ARSJ: variants seen among roughly 807,000 people sequenced by gnomAD.
ARSJ encodes arylsulfatase family member J.
Under a neutral mutation model 35.9 loss-of-function variants are expected in ARSJ, and 26 were observed. The ratio of observed to expected loss-of-function variants is 0.72; its 90% CI spans 0.53 to 1.00. ARSJ has a LOEUF of 1.00. Ranked by LOEUF, ARSJ falls within the 50% of genes least tolerant of loss-of-function variation. The pLI is 0.00. For synonymous variants in ARSJ, 294 were observed against 267.6 expected, an observed-to-expected ratio of 1.10 and a Z score of -0.96; for missense variants, 667 against 723.6, an observed-to-expected ratio of 0.92 and a Z score of 0.90.
chr4:113,971,610 A>T (rs1727254076), intron 1 of ARSJ, among the ~76,000 whole-genome samples: 1 of 152,198 alleles, frequency 6.6e-6, no homozygotes, highest in African/African-American at 2.4e-5. Context: ...TGTCAAAGCC[A>T]CCCTCTCCAC....
intron 1 of ARSJ, among the ~76,000 whole-genome samples, chr4:113,942,629 A>G (rs1160627644): frequency 3.3e-5 from 5 of 152,062 alleles, no homozygotes; most frequent in African/African-American, 4.8e-5. Flanking sequence ...AGAACTTGGA[A>G]TGTTCTTCAA....
chr4:113,933,367 C>G lies in ARSJ; in HGVS notation c.399-29692G>C, dbSNP rs1194975592. ...CTCATGCTACCAGGCCAGTGTTGCT[C>G]TGATACCAAAACCAGACAGAGACAC... is the stretch of plus-strand genomic sequence containing the variant. On this transcript the variant is annotated intron_variant, in intron 1 of 1. Transcript: ENST00000315366. Among the ~76,000 whole-genome samples the G allele has an allele frequency of 7.9e-5, 12 of 151,846 alleles. 1 individual carries two copies. The highest frequency in any genetic ancestry group is 7.9e-4 in the Admixed American group (12 of 15,192).
chr4:113,964,648 T>C lies in ARSJ; in HGVS notation c.398+13789A>G, dbSNP rs371007052. 5.9e-5 allele frequency among the ~76,000 whole-genome samples: 9 copies of C among 152,038 alleles called. No homozygotes were observed. The South Asian group carries it at 6.2e-4, about 11-fold the overall frequency. ...TATGCATATAGCAGGTGTTAAACAG[T>C]TGGGAGAAAAATAAAAGAGACAAAG... On this transcript the variant is annotated intron_variant, in intron 1 of 1. Coordinates refer to ENST00000315366, the MANE Select transcript of ARSJ (RefSeq NM_024590.4).
intron 1 of ARSJ, among the ~76,000 whole-genome samples, chr4:113,973,570 A>G (rs142433798): frequency 6.6e-6 from 1 of 152,300 alleles, no homozygotes; most frequent in Admixed American, 6.5e-5. Flanking sequence ...TTATGACCAC[A>G]AATCTCAAGT....
At chr4:113,951,085 G>T (rs1479339418) in intron 1 of ARSJ, among the ~76,000 whole-genome samples, 5 of 152,018 alleles carry the variant, frequency 3.3e-5, no homozygotes, top group Non-Finnish European at 5.9e-5. Flanking sequence ...GAAACCCAGG[G>T]CAGTACAGCT....
At position 113,979,036 on chromosome 4, in the gene ARSJ, C is replaced by T; in HGVS notation, c.-202G>A. ...TGGGACTCCGGAAGAACAAGGAGGGCTCGCTCTTCTCCAGCACATTTCACT... is the reference window on the plus strand; with the variant it reads ...TGGGACTCCGGAAGAACAAGGAGGGTTCGCTCTTCTCCAGCACATTTCACT... On this transcript the variant is annotated 5_prime_UTR_variant, in exon 1 of 2. Transcript: ENST00000315366. The T allele has an allele frequency of 1.9e-6, 1 of 521,322 alleles. No individual in the cohort carries two copies. The highest frequency in any genetic ancestry group is 3.0e-5 in the East Asian group (1 of 32,818). 32.3% of individuals were successfully genotyped at this position (521,322 alleles called of 1,614,324 possible). A position where few individuals can be genotyped will look rare whatever the true frequency, so the allele number is the denominator to read the frequency against.
At chr4:113,944,322 A>G (rs1478800764) in intron 1 of ARSJ, 1 of 149,984 alleles carries the variant, frequency 6.7e-6, no homozygotes, top group African/African-American at 2.4e-5. Flanking sequence ...CAATGATGGA[A>G]AAAAAAGAAA....
chr4:113,906,687 G>A (rs976351345), intron 1 of ARSJ: 3 of 455,156 alleles, frequency 6.6e-6, no homozygotes, highest in Non-Finnish European at 1.3e-5. Context: ...TTGCTCCACT[G>A]CTTATTACCT....
intron 1 of ARSJ, among the ~76,000 whole-genome samples, chr4:113,920,145 AAC>A (rs1163925154): frequency 6.6e-6 from 1 of 152,158 alleles, no homozygotes; most frequent in Admixed American, 6.6e-5. Context: ...AAAAATTAAA[AAC>A]ACTGTTTTGC....
At chr4:113,927,812 C>A (rs1040851931) in intron 1 of ARSJ, among the ~76,000 whole-genome samples, 1 of 152,116 alleles carries the variant, frequency 6.6e-6, no homozygotes, top group East Asian at 1.9e-4. Context: ...ACCACCCCTG[C>A]GTCTTTCAAG....
At chr4:113,934,386 G>A (rs1349039166) in intron 1 of ARSJ, among the ~76,000 whole-genome samples, 1 of 151,774 alleles carries the variant, frequency 6.6e-6, no homozygotes, top group Non-Finnish European at 1.5e-5. Flanking sequence ...GTACACACAA[G>A]GGATATTATT....
At chr4:113,940,335 T>G (rs2149269204) in intron 1 of ARSJ, among the ~76,000 whole-genome samples, 1 of 152,244 alleles carries the variant, frequency 6.6e-6, no homozygotes, top group African/African-American at 2.4e-5. Flanking sequence ...TCATGTCCTT[T>G]GCAGGGACAT....
intron 1 of ARSJ, among the ~76,000 whole-genome samples, chr4:113,954,459 T>C (rs1726045835): frequency 6.6e-6 from 1 of 152,048 alleles, no homozygotes; most frequent in Admixed American, 6.6e-5. Flanking sequence ...AAAAAATAAA[T>C]GGGATGTTTG....
In ARSJ at chr4:113,901,238, G is replaced by A. The variant is rs2099666942; in HGVS notation, c.*1036C>T. On this transcript the variant is annotated 3_prime_UTR_variant, in exon 2 of 2. Transcript: ENST00000315366. ...TAAGATACATAAATAGTTTATGATA[G>A]AAACAATAAAGTTGTCTCAACTCTG... 1 of 152,110 alleles carries A rather than the reference G, an allele frequency of 6.6e-6. No homozygotes were observed. The highest frequency in any genetic ancestry group is 2.4e-5 in the African/African-American group (1 of 41,408). 9.4% of individuals were successfully genotyped at this position (152,110 alleles called of 1,614,324 possible).
At position 113,936,333 on chromosome 4, in the gene ARSJ, A is replaced by G. The variant is rs183920789; in HGVS notation, c.399-32658T>C. 5.1e-4 allele frequency among the ~76,000 whole-genome samples: 78 copies of G among 152,070 alleles called. 1 individual carries two copies. Among genetic ancestry groups the G allele is most frequent in the African/African-American group, 1.6e-3 (65 of 41,544 alleles). On this transcript the variant is annotated intron_variant, in intron 1 of 1. Transcript: ENST00000315366. Reference sequence around the variant, plus strand: ...AGTTTTTATGGTTTATGTGTCATTGAGCAGGATACTATATGGGATTTAAAT... The same window carrying G: ...AGTTTTTATGGTTTATGTGTCATTGGGCAGGATACTATATGGGATTTAAAT...
At chr4:113,937,845 C>A (rs1357838660) in intron 1 of ARSJ, among the ~76,000 whole-genome samples, 1 of 151,954 alleles carries the variant, frequency 6.6e-6, no homozygotes, top group African/African-American at 2.4e-5. Flanking sequence ...AAGGGAAGGA[C>A]CTCTTCAAGG....
chr4:113,918,388 G>T (rs1045771036), intron 1 of ARSJ, among the ~76,000 whole-genome samples: 1 of 151,878 alleles, frequency 6.6e-6, no homozygotes. Context: ...TGTGTAAAAG[G>T]CTTGTTATTA....
intron 1 of ARSJ, among the ~76,000 whole-genome samples, chr4:113,932,207 T>G (rs1427259358): frequency 1.3e-5 from 2 of 151,970 alleles, no homozygotes; most frequent in Non-Finnish European, 2.9e-5. Context: ...AGAGCTCCCA[T>G]GTATATAAAG....
chr4:113,906,885 A>C (rs527465934), intron 1 of ARSJ: 132 of 311,168 alleles, frequency 4.2e-4, no homozygotes, highest in Middle Eastern at 1.1e-3. Context: ...TAACATTTGC[A>C]TAACGCTTTT....
Sources: allele counts gnomAD v4.1 joint callset (sites outside exome capture counted in the v4.1 genomes callset), GRCh38; gene constraint gnomAD v4.1.1; transcripts MANE v1.5; gene names NCBI Gene and HGNC (gene_info 2026-07-23, HGNC 2026-07-21).